CPNE2: variants seen among roughly 807,000 people sequenced by gnomAD.
CPNE2 encodes copine 2.
Under a neutral mutation model 69.7 loss-of-function variants are expected in CPNE2, and 42 were observed. That is an observed-to-expected ratio of 0.60 (90% CI 0.47 to 0.78). The LOEUF (loss-of-function observed/expected upper bound fraction) is 0.78, where lower values mean the gene tolerates loss of function less well. Ranked by LOEUF, CPNE2 falls within the 30% of genes least tolerant of loss-of-function variation. CPNE2 has a pLI of 0.00. For synonymous variants in CPNE2, 294 were observed against 289.8 expected (o/e 1.01, Z -0.15); for missense variants, 587 against 732.0 (o/e 0.80, Z 2.29).
chr16:57,115,591 C>T (rs1045426770), intron 4 of CPNE2, 41 bp downstream of exon 4: 2 of 1,417,548 alleles, frequency 1.4e-6, no homozygotes, highest in East Asian at 2.4e-5. Context: ...CCTCCATCCC[C>T]ACCCCACACC....
intron 12 of CPNE2, among the ~76,000 whole-genome samples, chr16:57,128,487 G>A (rs981092065): frequency 3.9e-5 from 6 of 152,090 alleles, no homozygotes; most frequent in African/African-American, 9.7e-5. Context: ...TCAGCCTCCC[G>A]AAGTGCTAGG....
intron 4 of CPNE2, among the ~76,000 whole-genome samples, chr16:57,116,151 C>T (rs1255572294): frequency 2.0e-5 from 3 of 152,166 alleles, no homozygotes; most frequent in African/African-American, 7.2e-5. Context: ...TGGAACCTCA[C>T]ATGGCTCCCC....
intron 1 of CPNE2, among the ~76,000 whole-genome samples, chr16:57,103,820 A>G (rs2069631502): frequency 6.6e-6 from 1 of 152,230 alleles, no homozygotes; most frequent in South Asian, 2.1e-4. Context: ...CACAGCCATT[A>G]AGAATCACTG....
At chr16:57,105,292 A>C (rs1567665345) in intron 1 of CPNE2, among the ~76,000 whole-genome samples, 1 of 152,198 alleles carries the variant, frequency 6.6e-6, no homozygotes, top group African/African-American at 2.4e-5. Flanking sequence ...AGGACGATGA[A>C]TTCCTAGTTT....
Position 57,121,714 on chromosome 16 carries a change from A to C in CPNE2, c.821A>C (p.Lys274Thr). ...ATCAACCCCAAGAAGCAGAGGAAGA[A>C]GAAGAACTATAAAAACTCGGGCATC... is the stretch of plus-strand genomic sequence containing the variant. The part of the protein sequence containing the change: ...ECINPKKQRK[K>T]KNYKNSGIII... Residue 274 changes from lysine to threonine, a missense_variant, in exon 9 of 16, where the codon AAG (lysine) becomes ACG (threonine). Lys to Thr is a moderately conservative substitution (Grantham distance 78). Transcript: ENST00000290776. 6.2e-7 allele frequency: 1 copy of C among 1,614,210 alleles called. No individual in the cohort carries two copies. Among genetic ancestry groups the C allele is most frequent in the Non-Finnish European group, 8.5e-7 (1 of 1,180,036 alleles).
chr16:57,120,439 C>CA (rs11297488), intron 7 of CPNE2, among the ~76,000 whole-genome samples: 2,243 of 137,560 alleles, frequency 0.016, 32 homozygotes, highest in African/African-American at 0.044. Flanking sequence ...GAGACCGTCT[C>CA]AAAAAAAAAA....
chr16:57,118,326 C>G (rs1324419182), intron 5 of CPNE2, among the ~76,000 whole-genome samples: 1 of 105,284 alleles, frequency 9.5e-6, no homozygotes, highest in Non-Finnish European at 2.0e-5. Flanking sequence ...CCACCACGCC[C>G]AGCTAATTTT....
At chr16:57,100,025 G>T (rs746455280) in intron 1 of CPNE2, among the ~76,000 whole-genome samples, 1 of 151,942 alleles carries the variant, frequency 6.6e-6, no homozygotes, top group African/African-American at 2.4e-5. Flanking sequence ...CACCTGCCTC[G>T]GCCTCTCAAA....
chr16:57,127,269 A>G (rs537393787), intron 11 of CPNE2, among the ~76,000 whole-genome samples: 1 of 152,114 alleles, frequency 6.6e-6, no homozygotes, highest in Non-Finnish European at 1.5e-5. Flanking sequence ...TTAGGGAGAG[A>G]TGTTACAGAT....
In CPNE2 at chr16:57,125,454, C is replaced by T. The variant is rs961731270; in HGVS notation, c.928-406C>T. ...TGGGAAGGTTGCAGTGGAGCAGTGG[C>T]ATCTGAGTTGGGCCTGGAAGATGGA... On this transcript the variant is annotated intron_variant, in intron 10 of 15. Transcript: ENST00000290776. The T allele has an allele frequency of 4.2e-5, 18 of 432,110 alleles. No homozygotes were observed. The East Asian group carries it at 8.5e-4, about 20-fold the overall frequency. 26.8% of individuals were successfully genotyped at this position (432,110 alleles called of 1,614,324 possible).
Position 57,147,532 on chromosome 16 carries a change from A to G in CPNE2, c.1540-19A>G. ...CCTTATTCTCTCTCTTCCCCACCCC[A>G]CCCTCCTCCACCCTGCAGGCAGCAA... On this transcript the variant is annotated intron_variant, in intron 15 of 15. Transcript: ENST00000290776. The G allele has an allele frequency of 6.5e-7, 1 of 1,527,366 alleles. No homozygotes were observed. Among genetic ancestry groups the G allele is most frequent in the Non-Finnish European group, 8.9e-7 (1 of 1,124,266 alleles). 94.6% of individuals were successfully genotyped at this position (1,527,366 alleles called of 1,614,324 possible). A position where few individuals can be genotyped will look rare whatever the true frequency, so the allele number is the denominator to read the frequency against.
At chr16:57,102,123 T>TG (rs398100199) in intron 1 of CPNE2, among the ~76,000 whole-genome samples, 1 of 151,808 alleles carries the variant, frequency 6.6e-6, no homozygotes, top group Admixed American at 6.6e-5. Context: ...AATTTTTTTT[T>TG]GCCATTTTTT....
intron 14 of CPNE2, chr16:57,143,423 G>C (rs1009797751): frequency 1.3e-5 from 2 of 152,348 alleles, no homozygotes; most frequent in Non-Finnish European, 2.9e-5. Flanking sequence ...ACACTGGCAT[G>C]CTGGGTGGGA....
chr16:57,097,140 C>T (rs529845982), intron 1 of CPNE2, among the ~76,000 whole-genome samples: 2 of 152,270 alleles, frequency 1.3e-5, no homozygotes, highest in Non-Finnish European at 2.9e-5. Context: ...GGTCTATTAA[C>T]ATCCCAGCTC....
At position 57,121,096 on chromosome 16, in the gene CPNE2, A is replaced by T. The variant is rs770889030; in HGVS notation, c.685A>T (p.Met229Leu). The T allele has an allele frequency of 1.9e-6, 3 of 1,612,964 alleles. No homozygotes were observed. Among genetic ancestry groups the T allele is most frequent in the Non-Finnish European group, 2.5e-6 (3 of 1,179,426 alleles). ...DGDMEKPIQVMCYDYDNDGGH... is the reference protein window; with the variant it reads ...DGDMEKPIQVLCYDYDNDGGH... ...GACCGTGCTGAACCCACCCCAGGTC[A>T]TGTGCTACGACTATGACAATGACGG... Residue 229 changes from methionine (M) to leucine (L), a missense_variant, in exon 8 of 16, where the codon ATG (methionine) becomes TTG (leucine). Met to Leu is a conservative substitution (Grantham distance 15). Around this residue, in one of 5 missense-constraint regions of CPNE2, gnomAD observed 269 missense variants for 300.5 expected, o/e 0.90. Coordinates refer to ENST00000290776, the MANE Select transcript of CPNE2 (RefSeq NM_152727.6).
At chr16:57,124,089 T>TA (rs2069782977) in intron 10 of CPNE2, 1 of 152,850 alleles carries the variant, frequency 6.5e-6, no homozygotes, top group African/African-American at 2.5e-5. Flanking sequence ...TTTCTTTTCT[T>TA]TTTTTTTTTT....
chr16:57,143,999 C>T (rs971706611), intron 14 of CPNE2: 2 of 152,412 alleles, frequency 1.3e-5, no homozygotes, highest in Non-Finnish European at 2.9e-5. Flanking sequence ...TTCTACCTAT[C>T]TGCTTAGGTG....
In CPNE2 at chr16:57,147,875, CCT is replaced by C. The variant is rs2069971939; in HGVS notation, c.*221_*222del. 2.5e-6 allele frequency: 1 copy of C among 401,100 alleles called. No individual in the cohort carries two copies. The highest frequency in any genetic ancestry group is 2.0e-5 in the African/African-American group (1 of 49,142). 24.8% of individuals were successfully genotyped at this position (401,100 alleles called of 1,614,324 possible). On this transcript the variant is annotated 3_prime_UTR_variant, in exon 16 of 16. Coordinates refer to ENST00000290776, the MANE Select transcript of CPNE2 (RefSeq NM_152727.6). ...CCAGGCCAAACTGGCTTCCTCTCCT[CCT>C]CTCCCCACCTTTGCCATTCTTAAGT... is the stretch of plus-strand genomic sequence containing the variant.
At chr16:57,129,441 G>A (rs1178776220) in intron 12 of CPNE2, among the ~76,000 whole-genome samples, 6 of 152,328 alleles carry the variant, frequency 3.9e-5, no homozygotes, top group African/African-American at 1.4e-4. Flanking sequence ...CACTGAGGCG[G>A]GGGTGGTGCT....
Sources: allele counts gnomAD v4.1 joint callset (sites outside exome capture counted in the v4.1 genomes callset), GRCh38; gene constraint gnomAD v4.1.1; regional missense constraint gnomAD v4.1.1; transcripts MANE v1.5; gene names NCBI Gene and HGNC (gene_info 2026-07-23, HGNC 2026-07-21).